LRMDA: variants seen among roughly 807,000 people sequenced by gnomAD.
LRMDA encodes leucine rich melanocyte differentiation associated.
In LRMDA, 18 loss-of-function variants were observed where a neutral mutation model predicts 29.8. The ratio of observed to expected loss-of-function variants is 0.60; its 90% CI spans 0.42 to 0.90. The LOEUF (loss-of-function observed/expected upper bound fraction) is 0.90, where lower values mean the gene tolerates loss of function less well. LRMDA is among the 40% of genes least tolerant of loss of function. The pLI, the probability that LRMDA is intolerant of heterozygous loss-of-function variation, is 0.00. For missense variants in LRMDA, 273 were observed against 273.9 expected (o/e 1.00, Z 0.02); for synonymous variants, 125 against 109.4 (o/e 1.14, Z -0.89).
At chr10:75,879,014 C>T (rs569181587) in intron 2 of LRMDA, among the ~76,000 whole-genome samples, 2 of 152,344 alleles carry the variant, frequency 1.3e-5, no homozygotes, top group East Asian at 3.9e-4. Context: ...TTACCTAGGT[C>T]TGCTGTCTTG....
chr10:75,704,908 C>G (rs1158854997), intron 2 of LRMDA, among the ~76,000 whole-genome samples: 1 of 152,124 alleles, frequency 6.6e-6, no homozygotes, highest in Non-Finnish European at 1.5e-5. Context: ...GGGTAATACA[C>G]AGAGAATAAA....
chr10:76,443,274 C>T (rs1842322219), intron 6 of LRMDA, among the ~76,000 whole-genome samples: 1 of 152,204 alleles, frequency 6.6e-6, no homozygotes. Flanking sequence ...CATTCTCTTG[C>T]AAATGCTGTT....
chr10:76,482,293 G>T (rs564368637), intron 6 of LRMDA, among the ~76,000 whole-genome samples: 2 of 151,992 alleles, frequency 1.3e-5, no homozygotes, highest in South Asian at 4.2e-4. Flanking sequence ...GAACAGACCT[G>T]CAACCAGTAA....
intron 3 of LRMDA, 112 bp from the exon 4 acceptor site, chr10:76,047,052 C>T: frequency 8.7e-7 from 1 of 1,155,432 alleles, no homozygotes; most frequent in East Asian, 2.4e-5. Flanking sequence ...TTTCAGCCCC[C>T]ACCCTGAGGT....
chr10:75,600,524 G>A (rs1840869369), intron 2 of LRMDA, among the ~76,000 whole-genome samples: 1 of 152,168 alleles, frequency 6.6e-6, no homozygotes, highest in African/African-American at 2.4e-5. Flanking sequence ...GAGAGATGTG[G>A]TGCTGGCTCT....
chr10:76,123,145 T>A (rs61862711), intron 5 of LRMDA, among the ~76,000 whole-genome samples: 12,553 of 152,082 alleles, frequency 0.083, 672 homozygotes, highest in South Asian at 0.14. Flanking sequence ...AGACTTGGGA[T>A]CCACGTGGTT....
At chr10:75,979,312 G>A (rs560877452) in intron 2 of LRMDA, among the ~76,000 whole-genome samples, 14 of 152,298 alleles carry the variant, frequency 9.2e-5, no homozygotes, top group South Asian at 4.1e-4. Flanking sequence ...TGGCTTAGAG[G>A]AGTGAGATTG....
chr10:76,218,401 G>A (rs1170872211), intron 5 of LRMDA, among the ~76,000 whole-genome samples: 1 of 152,230 alleles, frequency 6.6e-6, no homozygotes, highest in Non-Finnish European at 1.5e-5. Flanking sequence ...AGCTTGTGGT[G>A]TTCTTTTTGT....
At chr10:75,892,045 C>T (rs1845500490) in intron 2 of LRMDA, among the ~76,000 whole-genome samples, 1 of 152,120 alleles carries the variant, frequency 6.6e-6, no homozygotes. Context: ...TCATTCCCCA[C>T]CAGATACATG....
intron 2 of LRMDA, among the ~76,000 whole-genome samples, chr10:75,706,962 C>A (rs1484999775): frequency 6.6e-6 from 1 of 152,174 alleles, no homozygotes; most frequent in East Asian, 1.9e-4. Flanking sequence ...CTTATTCTGA[C>A]CACTGGAACT....
At chr10:76,096,867 T>C (rs1372763068) in intron 5 of LRMDA, among the ~76,000 whole-genome samples, 1 of 152,180 alleles carries the variant, frequency 6.6e-6, no homozygotes, top group African/African-American at 2.4e-5. Context: ...TTATAAATGG[T>C]ATGAGCTTCG....
intron 5 of LRMDA, among the ~76,000 whole-genome samples, chr10:76,120,266 G>C (rs1013156996): frequency 6.7e-6 from 1 of 148,212 alleles, no homozygotes; most frequent in African/African-American, 2.5e-5. Context: ...TTGGCTTACT[G>C]TAACCTCTGC....
At chr10:76,365,466 T>C (rs1297799246) in intron 6 of LRMDA, among the ~76,000 whole-genome samples, 4 of 152,204 alleles carry the variant, frequency 2.6e-5, no homozygotes, top group African/African-American at 4.8e-5. Context: ...TGGTATTGCA[T>C]TGTGGTTTTG....
At chr10:76,078,959 C>T (rs1225735834) in intron 5 of LRMDA, among the ~76,000 whole-genome samples, 1 of 152,136 alleles carries the variant, frequency 6.6e-6, no homozygotes, top group Non-Finnish European at 1.5e-5. Flanking sequence ...ATTCTTCTTC[C>T]CACTCATTCA....
At chr10:76,401,154 C>A (rs1040481386) in intron 6 of LRMDA, among the ~76,000 whole-genome samples, 5 of 151,984 alleles carry the variant, frequency 3.3e-5, no homozygotes, top group African/African-American at 1.2e-4. Context: ...CTTGAGCTTC[C>A]AATATAATGA....
intron 6 of LRMDA, among the ~76,000 whole-genome samples, chr10:76,442,181 C>T (rs1286518507): frequency 1.3e-5 from 2 of 152,020 alleles, no homozygotes; most frequent in African/African-American, 4.8e-5. Flanking sequence ...TATTGCTAAC[C>T]CTTGGTTTTA....
intron 2 of LRMDA, among the ~76,000 whole-genome samples, chr10:75,528,277 A>G (rs939613805): frequency 6.6e-6 from 1 of 152,168 alleles, no homozygotes; most frequent in Admixed American, 6.5e-5. Context: ...TCATTCGACA[A>G]CTTTGCTTAC....
At chr10:76,242,997 A>G (rs1286793919) in intron 5 of LRMDA, among the ~76,000 whole-genome samples, 2 of 152,076 alleles carry the variant, frequency 1.3e-5, no homozygotes, top group African/African-American at 2.4e-5. Flanking sequence ...GTCGTTCTCC[A>G]CCTCCAAAGA....
intron 2 of LRMDA, among the ~76,000 whole-genome samples, chr10:75,640,011 A>T (rs1228628228): frequency 6.6e-6 from 1 of 152,192 alleles, no homozygotes; most frequent in Non-Finnish European, 1.5e-5. Flanking sequence ...TGTGCTAAAG[A>T]TCAGAAAACT....
Sources: allele counts gnomAD v4.1 joint callset (sites outside exome capture counted in the v4.1 genomes callset), GRCh38; gene constraint gnomAD v4.1.1; transcripts MANE v1.5; gene names NCBI Gene and HGNC (gene_info 2026-07-23, HGNC 2026-07-21).